Variants in ADAMTS9 observed in about 807,000 individuals in gnomAD.
ADAMTS9 encodes ADAM metallopeptidase with thrombospondin type 1 motif 9.
ADAMTS9 carries 107 observed loss-of-function variants against 257.1 expected under a neutral mutation model. That is an observed-to-expected ratio of 0.42 (90% CI 0.36 to 0.49). The LOEUF is 0.49. Ranked by LOEUF, ADAMTS9 falls within the 20% of genes least tolerant of loss-of-function variation. The pLI is 0.03. For missense variants in ADAMTS9, 2,353 were observed against 2,469.1 expected, an observed-to-expected ratio of 0.95 and a Z score of 1.00; for synonymous variants, 982 against 880.9, an observed-to-expected ratio of 1.11 and a Z score of -2.03.
At chr3:64,610,116 C>T (rs890847533) in intron 22 of ADAMTS9, among the ~76,000 whole-genome samples, 1 of 152,072 alleles carries the variant, frequency 6.6e-6, no homozygotes, top group African/African-American at 2.4e-5. Flanking sequence ...AATAATTAAC[C>T]CAAAATGGAT....
chr3:64,546,663 T>A, intron 32 of ADAMTS9, 95 bp downstream of exon 32: 7 of 1,308,986 alleles, frequency 5.3e-6, no homozygotes, highest in Non-Finnish European at 7.3e-6. Context: ...CTCCTGGAAG[T>A]AGAGTTACTA....
intron 25 of ADAMTS9, 40 bp from the exon 26 acceptor site, chr3:64,602,253 G>T (rs781586524): frequency 6.3e-7 from 1 of 1,598,430 alleles, no homozygotes; most frequent in Non-Finnish European, 8.5e-7. Context: ...TCAGTCATTT[G>T]GTGGAGGGGT....
chr3:64,533,073 G>C, intron 38 of ADAMTS9, 93 bp downstream of exon 38: 1 of 1,170,008 alleles, frequency 8.5e-7, no homozygotes. Context: ...AAGCACATTC[G>C]TTTGCTCCTT....
chr3:64,539,165 G>T, intron 37 of ADAMTS9, 38 bp downstream of exon 37: 1 of 1,556,862 alleles, frequency 6.4e-7, no homozygotes, highest in East Asian at 2.2e-5. Flanking sequence ...AAGGTGGGAG[G>T]TGAATCCCTG....
Position 64,633,757 on chromosome 3 carries a change from T to C in ADAMTS9, c.1979A>G (p.Lys660Arg). 1 of 1,613,742 alleles carries C rather than the reference T, an allele frequency of 6.2e-7. No homozygotes were observed. The highest frequency in any genetic ancestry group is 8.5e-7 in the Non-Finnish European group (1 of 1,179,954). ...RDEQCAHFDG[K>R]HFNINGLLPN... ...AAGCAGACCGTTGATGTTAAAATGCTTCCCGTCAAAGTGAGCACACTGTTC... is the reference window on the plus strand; with the variant it reads ...AAGCAGACCGTTGATGTTAAAATGCCTCCCGTCAAAGTGAGCACACTGTTC... The change falls in exon 13 of 40, where the codon AAG (lysine) becomes AGG (arginine). Residue 660 changes from lysine to arginine, a missense_variant. By Grantham distance (26) the Lys-to-Arg change is conservative (BLOSUM62 2). Coordinates refer to ENST00000498707, the MANE Select transcript of ADAMTS9 (RefSeq NM_182920.2).
intron 31 of ADAMTS9, among the ~76,000 whole-genome samples, chr3:64,547,640 GTAGTTGGGAT>G (rs2083219835): frequency 6.6e-6 from 1 of 151,530 alleles, no homozygotes; most frequent in East Asian, 2.0e-4. Flanking sequence ...AGCCTCCCAA[GTAGTTGGGAT>G]TACAGGTGTG....
At chr3:64,546,490 C>T (rs77572398) in intron 32 of ADAMTS9, among the ~76,000 whole-genome samples, 6,312 of 152,240 alleles carry the variant, frequency 0.041, 718 homozygotes, top group Admixed American at 0.25. Flanking sequence ...AAAGGTTATG[C>T]AACTTGCCCA....
intron 38 of ADAMTS9, among the ~76,000 whole-genome samples, chr3:64,529,443 C>T (rs1014169802): frequency 6.6e-6 from 1 of 151,674 alleles, no homozygotes; most frequent in South Asian, 2.1e-4. Context: ...CCTTCTGTAA[C>T]TCCTGGCAGA....
chr3:64,554,664 A>C lies in ADAMTS9; in HGVS notation c.4699-3602T>G, dbSNP rs545361357. On this transcript the variant is annotated intron_variant, in intron 30 of 39. Transcript: ENST00000498707. ...TTTAGAAAAATCTCTAACACAAGTA[A>C]CACCACCAGCCTCCTTGCATTTCAT... Among the ~76,000 whole-genome samples, 16 of 152,340 alleles carry C rather than the reference A, an allele frequency of 1.1e-4. No individual in the cohort carries two copies. The South Asian group carries it at 3.1e-3, about 30-fold the overall frequency.
intron 22 of ADAMTS9, 57 bp downstream of exon 22, chr3:64,613,288 C>G: frequency 6.3e-7 from 1 of 1,577,942 alleles, no homozygotes; most frequent in South Asian, 1.2e-5. Context: ...CTTTGCAAGT[C>G]CTCTCCAGAT....
At chr3:64,682,074 A>G (rs1701772153) in intron 2 of ADAMTS9, among the ~76,000 whole-genome samples, 1 of 152,134 alleles carries the variant, frequency 6.6e-6, no homozygotes, top group Non-Finnish European at 1.5e-5. Context: ...TGATCCTCTC[A>G]CCAACCCTTT....
At chr3:64,594,898 T>C (rs539204104) in intron 27 of ADAMTS9, among the ~76,000 whole-genome samples, 2 of 152,234 alleles carry the variant, frequency 1.3e-5, no homozygotes, top group African/African-American at 4.8e-5. Flanking sequence ...GTGATTCTCC[T>C]GTCTCAGCTT....
chr3:64,619,784 A>T (rs1264881062), intron 19 of ADAMTS9, among the ~76,000 whole-genome samples: 1 of 152,134 alleles, frequency 6.6e-6, no homozygotes, highest in African/African-American at 2.4e-5. Flanking sequence ...AGAAAATGTC[A>T]CCATTCTCAA....
At chr3:64,670,756 C>A (rs1701467196) in intron 3 of ADAMTS9, among the ~76,000 whole-genome samples, 1 of 152,142 alleles carries the variant, frequency 6.6e-6, no homozygotes, top group Non-Finnish European at 1.5e-5. Context: ...AGCAAATATG[C>A]ACATGAAGAA....
chr3:64,622,628 A>G lies in ADAMTS9; in HGVS notation c.2390-42T>C. The G allele has an allele frequency of 2.5e-6, 4 of 1,601,180 alleles. 1 individual carries two copies. The South Asian group carries it at 3.3e-5, about 13-fold the overall frequency. ...AGAATAATACATTGATCTGCTGTCA[A>G]TGACTAGCTGTTTGAAATATGAAGT... On this transcript the variant is annotated intron_variant, in intron 16 of 39. Coordinates refer to ENST00000498707, the MANE Select transcript of ADAMTS9 (RefSeq NM_182920.2).
At chr3:64,616,295 C>G in intron 19 of ADAMTS9, 125 bp from the exon 20 acceptor site, 1 of 995,338 alleles carries the variant, frequency 1.0e-6, no homozygotes, top group South Asian at 1.6e-5. Flanking sequence ...CCATGAAGCC[C>G]AAAGCCACAG....
intron 30 of ADAMTS9, 37 bp downstream of exon 30, chr3:64,561,540 GA>G (rs772636677): frequency 6.3e-7 from 1 of 1,592,574 alleles, no homozygotes; most frequent in South Asian, 1.2e-5. Context: ...GCGCACACGT[GA>G]AATGCCTGGC....
At chr3:64,649,928 TC>T in intron 9 of ADAMTS9, 150 bp from the exon 10 acceptor site, 1 of 991,738 alleles carries the variant, frequency 1.0e-6, no homozygotes, top group Non-Finnish European at 1.4e-6. Context: ...CAAGATTAAA[TC>T]CAGATGCTGA....
intron 36 of ADAMTS9, among the ~76,000 whole-genome samples, chr3:64,540,893 CA>C (rs1225032912): frequency 6.6e-6 from 1 of 152,204 alleles, no homozygotes; most frequent in Admixed American, 6.5e-5. Flanking sequence ...GGGAATACAG[CA>C]GTGAACAAAA....
Sources: gnomAD v4.1 joint callset for allele counts (sites outside exome capture counted in the v4.1 genomes callset) on GRCh38, gnomAD v4.1.1 for gene constraint, MANE v1.5 for transcripts, NCBI Gene and HGNC (gene_info 2026-07-23, HGNC 2026-07-21) for gene names.